The following TBC1D30 variants were observed in gnomAD, a reference collection of about 807,000 sequenced individuals.
TBC1D30 encodes TBC1 domain family, member 30.
In TBC1D30, 31 loss-of-function variants were observed where a neutral mutation model predicts 63.2. That is an observed-to-expected ratio of 0.49 (90% CI 0.37 to 0.66). The LOEUF is 0.66. TBC1D30 is among the 30% of genes least tolerant of loss of function. The pLI, the probability that TBC1D30 is intolerant of heterozygous loss-of-function variation, is 0.00. For synonymous variants in TBC1D30, 307 were observed against 361.5 expected (o/e 0.85, Z 1.71); for missense variants, 810 against 953.6 (o/e 0.85, Z 1.98).
chr12:64,870,409 A>G (rs961699874), intron 10 of TBC1D30, among the ~76,000 whole-genome samples, 193 bp from the exon 11 acceptor site: 1 of 152,248 alleles, frequency 6.6e-6, no homozygotes, highest in Non-Finnish European at 1.5e-5. Context: ...CAGTTAGGTT[A>G]ATAAGAAAAT....
chr12:64,790,099 T>G (rs561351769), intron 2 of TBC1D30, among the ~76,000 whole-genome samples: 3 of 152,228 alleles, frequency 2.0e-5, no homozygotes, highest in Admixed American at 6.5e-5. Context: ...CTACTTTTTC[T>G]TAGCAGTTAG....
At position 64,875,380 on chromosome 12, in the gene TBC1D30, A is replaced by T; in HGVS notation, c.1878A>T (p.Glu626Asp). 6.5e-7 allele frequency: 1 copy of T among 1,536,244 alleles called. No homozygotes were observed. Among genetic ancestry groups the T allele is most frequent in the Non-Finnish European group, 8.7e-7 (1 of 1,146,926 alleles). ...ATAGREGSSP[E>D]GSTRRTIEGQ... is the part of the protein sequence containing the mutation. The stretch of plus-strand genomic sequence containing the variant: ...CTGGGAGAGAAGGCAGCAGCCCTGA[A>T]GGCAGTACCAGGAGGACGATCGAGG... The change falls in exon 12 of 12, where the codon GAA (glutamate) becomes GAT (aspartate). Residue 626 changes from glutamate to aspartate, a missense_variant. Transcript: ENST00000539867.
rs1292125498 is a variant in TBC1D30, at chr12:64,797,185, A to C, written c.643+11140A>C. Among the ~76,000 whole-genome samples, 3 of 152,126 alleles carry C rather than the reference A, an allele frequency of 2.0e-5. No individual in the cohort carries two copies. In the East Asian group the frequency reaches 5.8e-4, roughly 29 times the overall value. On this transcript the variant is annotated intron_variant, in intron 2 of 12. Transcript: ENST00000542120. ...CATGGAGTGTGATCTAAACATTGTGATTTTTAAGCTCCCTGGGCTATTCTA... is the reference window on the plus strand; with the variant it reads ...CATGGAGTGTGATCTAAACATTGTGCTTTTTAAGCTCCCTGGGCTATTCTA...
At chr12:64,866,217 G>C (rs12311516) in intron 9 of TBC1D30, among the ~76,000 whole-genome samples, 6,499 of 152,184 alleles carry the variant, frequency 0.043, 454 homozygotes, top group African/African-American at 0.15. Flanking sequence ...AGCATATATA[G>C]TATGCTAATA....
At chr12:64,823,022 G>A (rs1026549554), upstream of TBC1D30, among the ~76,000 whole-genome samples, 5 of 151,570 alleles carry the variant, frequency 3.3e-5, no homozygotes, top group African/African-American at 1.2e-4. Context: ...CCTATTCAAT[G>A]AATGTATGTA....
rs1404542367 is a variant in TBC1D30 at position 64,878,899 on chromosome 12, C to A, written c.*3111C>A. The A allele has an allele frequency of 5.9e-6, 1 of 169,318 alleles. No homozygotes were observed. Among genetic ancestry groups the A allele is most frequent in the Non-Finnish European group, 1.3e-5 (1 of 77,564 alleles). 10.5% of individuals were successfully genotyped at this position (169,318 alleles called of 1,614,324 possible). ...GTTTACCTAAAATTAACCTTTAGAT[C>A]TACTATTTATTTTTGTCTTAATAAA... On this transcript the variant is annotated 3_prime_UTR_variant, in exon 12 of 12. Coordinates refer to ENST00000539867, the MANE Select transcript of TBC1D30 (RefSeq NM_015279.2).
intron 8 of TBC1D30, among the ~76,000 whole-genome samples, chr12:64,853,493 G>C (rs1877045642): frequency 6.6e-6 from 1 of 152,146 alleles, no homozygotes; most frequent in African/African-American, 2.4e-5. Context: ...TTCCAGAGGA[G>C]TGAACAGTTC....
At chr12:64,838,585 C>T (rs1404956283) in intron 6 of TBC1D30, 98 bp from the exon 7 acceptor site, 14 of 1,211,388 alleles carry the variant, frequency 1.2e-5, no homozygotes, top group Non-Finnish European at 1.5e-5. Context: ...TCAGGAAATA[C>T]AACAAATTTG....
At position 64,838,860 on chromosome 12, in the gene TBC1D30, T is replaced by G. The variant is rs1875598017; in HGVS notation, c.932+9T>G. ...TGGGCAAAATTAGGAGAGTAAGTGA[T>G]TTCCACCTTCTGCTCTGTTCTGTGA... On this transcript the variant is annotated intron_variant, in intron 7 of 11. Transcript: ENST00000539867. 6.5e-7 allele frequency: 1 copy of G among 1,535,794 alleles called. No individual in the cohort carries two copies. Among genetic ancestry groups the G allele is most frequent in the African/African-American group, 1.4e-5 (1 of 73,052 alleles).
chr12:64,849,021 A>T (rs1023011556), intron 8 of TBC1D30, among the ~76,000 whole-genome samples: 2 of 152,172 alleles, frequency 1.3e-5, no homozygotes, highest in African/African-American at 4.8e-5. Flanking sequence ...TTCTTTAATG[A>T]CCAGTGATGA....
At chr12:64,785,212 C>T (rs199853662) in intron 1 of TBC1D30, among the ~76,000 whole-genome samples, 1 of 148,576 alleles carries the variant, frequency 6.7e-6, no homozygotes. Flanking sequence ...AGTGCAATGG[C>T]GCGATCTTGG....
intron 2 of TBC1D30, among the ~76,000 whole-genome samples, chr12:64,799,688 A>G (rs182131335): frequency 1.3e-3 from 191 of 152,336 alleles, no homozygotes; most frequent in Non-Finnish European, 2.1e-3. Context: ...TGATACGTAA[A>G]TGTGTCTTGG....
Position 64,828,403 on chromosome 12 carries a change from G to A in TBC1D30, c.217-41G>A, listed in dbSNP as rs2136363057. 2.1e-6 allele frequency: 3 copies of A among 1,435,114 alleles called. No individual in the cohort carries two copies. In the East Asian group the frequency reaches 7.4e-5, roughly 36 times the overall value. 88.9% of individuals were successfully genotyped at this position (1,435,114 alleles called of 1,614,324 possible). ...AAAAGATTGCAAAGTGCTTATCTAG[G>A]TCACTGTGATCACCTCCTGGGATTT... On this transcript the variant is annotated intron_variant, in intron 2 of 11. Coordinates refer to ENST00000539867, the MANE Select transcript of TBC1D30 (RefSeq NM_015279.2).
At chr12:64,762,989 T>C (rs1219169732) in intron 1 of TBC1D30, among the ~76,000 whole-genome samples, 1 of 152,188 alleles carries the variant, frequency 6.6e-6, no homozygotes, top group Non-Finnish European at 1.5e-5. Context: ...TATTATTTTA[T>C]TTTTTGAGAT....
Position 64,785,975 on chromosome 12 carries a change from G to C in TBC1D30, c.573G>C (p.Arg191Ser), listed in dbSNP as rs1353156524. 7.0e-6 allele frequency: 9 copies of C among 1,289,704 alleles called. No homozygotes were observed. The East Asian group carries it at 5.0e-4, about 71-fold the overall frequency. 79.9% of individuals were successfully genotyped at this position (1,289,704 alleles called of 1,614,324 possible). ...TTCGGCATCTGAAGCAGAAAGATAGGCTTCTGCATAAAGTGCAGAGGAACT... is the reference window on the plus strand; with the variant it reads ...TTCGGCATCTGAAGCAGAAAGATAGCCTTCTGCATAAAGTGCAGAGGAACT... The change falls in exon 2 of 13, where the codon AGG (arginine) becomes AGC (serine). Residue 191 changes from arginine to serine, a missense_variant. By Grantham distance (110) the Arg-to-Ser change is moderately radical. Coordinates refer to the TBC1D30 transcript ENST00000542120.
At chr12:64,863,007 A>G (rs1056452243) in intron 8 of TBC1D30, among the ~76,000 whole-genome samples, 1 of 152,192 alleles carries the variant, frequency 6.6e-6, no homozygotes, top group Non-Finnish European at 1.5e-5. Flanking sequence ...CTAAGACATG[A>G]TAGTAAGAGC....
In TBC1D30 at chr12:64,843,480, A is replaced by T; in HGVS notation, c.1033A>T (p.Met345Leu). Residue 345 changes from methionine to leucine, a missense_variant, in exon 8 of 12, where the codon ATG becomes TTG. Met to Leu is a conservative substitution (Grantham distance 15, BLOSUM62 2). Around this residue, in one of 4 missense-constraint regions of TBC1D30, gnomAD observed 83 missense variants for 121.5 expected, o/e 0.68. Transcript: ENST00000539867. ...TGATCTTCTGCAAAGCCATGAACTC[A>T]TGCAGGTGAGTCGGCAACATGGAGC... is the stretch of plus-strand genomic sequence containing the variant. The part of the protein sequence containing the change: ...ENDLLQSHEL[M>L]QTVYSMAPFP... 6.5e-7 allele frequency: 1 copy of T among 1,535,914 alleles called. No homozygotes were observed. The highest frequency in any genetic ancestry group is 8.7e-7 in the Non-Finnish European group (1 of 1,146,736).
intron 2 of TBC1D30, among the ~76,000 whole-genome samples, chr12:64,818,002 G>T (rs541196031): frequency 6.6e-6 from 1 of 151,032 alleles, no homozygotes. Context: ...AGTGGAGGTT[G>T]CAGTGAGCCG....
At chr12:64,800,876 T>G (rs779249675) in intron 2 of TBC1D30, among the ~76,000 whole-genome samples, 1 of 152,152 alleles carries the variant, frequency 6.6e-6, no homozygotes, top group Non-Finnish European at 1.5e-5. Context: ...GATGTTTCAT[T>G]TAAGAGGAGT....
Sources: allele counts gnomAD v4.1 joint callset (sites outside exome capture counted in the v4.1 genomes callset), GRCh38; gene constraint gnomAD v4.1.1; regional missense constraint gnomAD v4.1.1; transcripts MANE v1.5; gene names NCBI Gene and HGNC (gene_info 2026-07-23, HGNC 2026-07-21).